MYO16: variants seen among roughly 807,000 people sequenced by gnomAD.
The protein encoded by MYO16 is myosin XVI.
Under a neutral mutation model 205.3 loss-of-function variants are expected in MYO16, and 94 were observed. The observed-to-expected ratio is 0.46, with a 90% confidence interval of 0.39 to 0.54. The LOEUF (loss-of-function observed/expected upper bound fraction) is 0.54. MYO16 is among the 20% of genes least tolerant of loss of function. The probability of loss-of-function intolerance (pLI) is 0.00; values close to 1 mark genes in which losing one functional copy is unlikely to be tolerated. For synonymous variants in MYO16, 988 were observed against 954.0 expected, an observed-to-expected ratio of 1.04 and a Z score of -0.66; for missense variants, 2,315 against 2,387.5, an observed-to-expected ratio of 0.97 and a Z score of 0.63.
chr13:109,013,114 A>T (rs868417436), intron 22 of MYO16, among the ~76,000 whole-genome samples: 4 of 55,154 alleles, frequency 7.3e-5, no homozygotes, highest in African/African-American at 1.3e-4. Flanking sequence ...CCCCTCCCCC[A>T]CCCCCCCCCA....
At chr13:109,087,017 T>C (rs1210202864) in intron 27 of MYO16, among the ~76,000 whole-genome samples, 2 of 152,234 alleles carry the variant, frequency 1.3e-5, no homozygotes, top group Non-Finnish European at 2.9e-5. Context: ...TAATAAATAT[T>C]GATTGGCTGT....
At chr13:108,665,426 T>C (rs962117644) in intron 1 of MYO16, among the ~76,000 whole-genome samples, 2 of 152,148 alleles carry the variant, frequency 1.3e-5, no homozygotes, top group Admixed American at 6.5e-5. Context: ...ATATATTCTA[T>C]TACCTTAAAT....
chr13:109,199,835 T>G (rs1223203834), intron 34 of MYO16, among the ~76,000 whole-genome samples: 3 of 152,184 alleles, frequency 2.0e-5, no homozygotes, highest in Non-Finnish European at 4.4e-5. Context: ...AAGCCATGAG[T>G]GTTTTTGTTG....
At chr13:108,525,264 G>T in the MYO16 span, among the ~76,000 whole-genome samples, 2 of 152,268 alleles carry the variant, frequency 1.3e-5, no homozygotes, top group African/African-American at 4.8e-5. Context: ...TTTATGTATA[G>T]ACTAGGATGC....
intron 9 of MYO16, among the ~76,000 whole-genome samples, chr13:108,835,822 A>T (rs1876883037): frequency 6.6e-6 from 1 of 152,172 alleles, no homozygotes; most frequent in Admixed American, 6.5e-5. Context: ...CTTGAGAGAG[A>T]TGATTTAGGG....
chr13:109,054,205 C>CT (rs1385568342), intron 25 of MYO16: 1 of 207,938 alleles, frequency 4.8e-6, no homozygotes, highest in African/African-American at 2.4e-5. Flanking sequence ...TTTTATGTCT[C>CT]TATCATCATG....
chr13:108,740,267 T>C (rs1197607105), intron 4 of MYO16, among the ~76,000 whole-genome samples: 1 of 150,736 alleles, frequency 6.6e-6, no homozygotes, highest in East Asian at 2.0e-4. Flanking sequence ...CTTTGTGTTT[T>C]GTCTACCTTT....
chr13:108,898,141 C>T lies in MYO16; in HGVS notation c.1777+8C>T. 4 of 1,588,780 alleles carry T rather than the reference C, an allele frequency of 2.5e-6. No homozygotes were observed. Among genetic ancestry groups the T allele is most frequent in the East Asian group, 2.2e-5 (1 of 44,762 alleles). ...AACAACAGCTAACCGGAGGTAAGTG[C>T]AGTATTTGACAACGTGGATTTCCTG... On this transcript the variant is annotated splice_region_variant and intron_variant, in intron 15 of 34. Coordinates refer to ENST00000457511, the MANE Select transcript of MYO16 (RefSeq NM_001198950.3).
At chr13:108,930,870 TA>T (rs1160541066) in intron 16 of MYO16, among the ~76,000 whole-genome samples, 1 of 152,224 alleles carries the variant, frequency 6.6e-6, no homozygotes, top group Non-Finnish European at 1.5e-5. Flanking sequence ...GTTTGAGTTA[TA>T]AAGTAAACAT....
intron 4 of MYO16, among the ~76,000 whole-genome samples, chr13:108,780,832 A>C (rs960102200): frequency 1.1e-4 from 17 of 152,108 alleles, no homozygotes; most frequent in Admixed American, 6.6e-5. Flanking sequence ...CTGTATTGGG[A>C]ATAATACCAG....
intron 20 of MYO16, among the ~76,000 whole-genome samples, chr13:108,971,178 A>G (rs886158440): frequency 3.3e-5 from 5 of 152,008 alleles, no homozygotes; most frequent in African/African-American, 1.2e-4. Flanking sequence ...TTAAATTTAA[A>G]ATTATTGTTT....
At chr13:109,047,536 A>G (rs1430353634) in intron 24 of MYO16, among the ~76,000 whole-genome samples, 1 of 152,172 alleles carries the variant, frequency 6.6e-6, no homozygotes, top group Non-Finnish European at 1.5e-5. Flanking sequence ...TATATCTACT[A>G]TAATTCTACA....
intron 1 of MYO16, among the ~76,000 whole-genome samples, chr13:108,633,680 G>C (rs7140064): frequency 0.32 from 48,672 of 152,038 alleles, 7,796 homozygotes; most frequent in South Asian, 0.44. Flanking sequence ...AGTTGACACT[G>C]AGTATTAATG....
upstream of MYO16, among the ~76,000 whole-genome samples, chr13:108,594,399 G>T (rs1878483567): frequency 6.6e-6 from 1 of 152,020 alleles, no homozygotes; most frequent in Non-Finnish European, 1.5e-5. Flanking sequence ...CAGGTCGCAG[G>T]TCGTGGTGGA....
intron 13 of MYO16, among the ~76,000 whole-genome samples, chr13:108,885,954 T>C (rs1007076383): frequency 4.6e-5 from 7 of 152,082 alleles, no homozygotes; most frequent in Non-Finnish European, 1.0e-4. Flanking sequence ...TTTTATCCAG[T>C]ATATATTCTG....
intron 10 of MYO16, among the ~76,000 whole-genome samples, chr13:108,845,619 A>C (rs1877479310): frequency 6.6e-6 from 1 of 152,168 alleles, no homozygotes; most frequent in Non-Finnish European, 1.5e-5. Context: ...CTCCAAATAC[A>C]GTTGCATTAG....
At chr13:109,102,466 ATATGTATATG>A (rs929629512) in intron 28 of MYO16, among the ~76,000 whole-genome samples, 2 of 138,542 alleles carry the variant, frequency 1.4e-5, no homozygotes, top group African/African-American at 5.4e-5. Flanking sequence ...TGATATACAT[ATATGTATATG>A]TATGTGTATA....
chr13:108,605,085 A>C lies in MYO16; in HGVS notation c.-39+8846A>C, dbSNP rs545976674. Among the ~76,000 whole-genome samples, 3 of 152,312 alleles carry C rather than the reference A, an allele frequency of 2.0e-5. No homozygotes were observed. The South Asian group carries it at 6.2e-4, about 32-fold the overall frequency. ...GGTAGTGGCAATGGGTTCTGATAAT[A>C]AGCAAAGCCCTTGTATCCTTTATCA... On this transcript the variant is annotated intron_variant, in intron 1 of 24. Coordinates refer to the MYO16 transcript ENST00000251041.
At chr13:109,138,697 C>T (rs992262505) in intron 31 of MYO16, among the ~76,000 whole-genome samples, 1 of 152,066 alleles carries the variant, frequency 6.6e-6, no homozygotes, top group Non-Finnish European at 1.5e-5. Context: ...TTGAAATGTA[C>T]TGATTGTAAA....
Sources: gnomAD v4.1 joint callset for allele counts (sites outside exome capture counted in the v4.1 genomes callset) on GRCh38, gnomAD v4.1.1 for gene constraint, MANE v1.5 for transcripts, NCBI Gene and HGNC (gene_info 2026-07-23, HGNC 2026-07-21) for gene names.